Variants in HORMAD2 observed in about 807,000 individuals in gnomAD.
HORMAD2 encodes the protein HORMA domain containing 2.
HORMAD2 carries 45 observed loss-of-function variants against 38.8 expected under a neutral mutation model. The observed-to-expected ratio is 1.16, with a 90% CI of 0.91 to 1.49. The LOEUF is 1.49. Ranked by LOEUF, HORMAD2 falls within the 40% of genes most tolerant of loss-of-function variation. The pLI, the probability that HORMAD2 is intolerant of heterozygous loss-of-function variation, is 0.00. For missense variants in HORMAD2, 338 were observed against 367.0 expected (o/e 0.92, Z 0.65); for synonymous variants, 126 against 122.8 (o/e 1.03, Z -0.17).
chr22:30,087,128 T>A (rs2068584456), intron 1 of HORMAD2, among the ~76,000 whole-genome samples: 1 of 152,176 alleles, frequency 6.6e-6, no homozygotes, highest in Non-Finnish European at 1.5e-5. Context: ...CCCAAAGTCC[T>A]GGGATTACAG....
intron 10 of HORMAD2, among the ~76,000 whole-genome samples, chr22:30,169,508 G>A (rs146173078): frequency 2.4e-4 from 37 of 152,344 alleles, no homozygotes; most frequent in African/African-American, 8.4e-4. Flanking sequence ...TACCTCCTAA[G>A]TAGAGATAGT....
intron 10 of HORMAD2, among the ~76,000 whole-genome samples, chr22:30,123,990 CTT>C (rs966621461): frequency 1.4e-5 from 2 of 143,482 alleles, no homozygotes; most frequent in Non-Finnish European, 1.5e-5. Flanking sequence ...GAATTTCTTT[CTT>C]TTTTTTTTTT....
At chr22:30,187,990 C>A in the HORMAD2 span, among the ~76,000 whole-genome samples, 14 of 152,016 alleles carry the variant, frequency 9.2e-5, no homozygotes, top group Non-Finnish European at 1.9e-4. Flanking sequence ...GCACAGTGAC[C>A]TCTAATTGTA....
At chr22:30,092,075 A>C (rs1395358699) in intron 1 of HORMAD2, among the ~76,000 whole-genome samples, 1 of 150,420 alleles carries the variant, frequency 6.6e-6, no homozygotes, top group Non-Finnish European at 1.5e-5. Context: ...TTTTTAGTAA[A>C]GACAGGATTT....
chr22:30,202,428 C>T, the HORMAD2 span, among the ~76,000 whole-genome samples: 7 of 146,868 alleles, frequency 4.8e-5, no homozygotes, highest in African/African-American at 1.3e-4. Flanking sequence ...CAGCTTACAT[C>T]GGAGGAATGG....
At chr22:30,140,310 A>T (rs1303244982) in intron 10 of HORMAD2, among the ~76,000 whole-genome samples, 2 of 152,136 alleles carry the variant, frequency 1.3e-5, no homozygotes, top group Non-Finnish European at 2.9e-5. Flanking sequence ...AATGAATTGA[A>T]AAGTTTTTAC....
intron 10 of HORMAD2, among the ~76,000 whole-genome samples, chr22:30,153,710 T>C (rs892208026): frequency 1.3e-5 from 2 of 152,134 alleles, no homozygotes; most frequent in African/African-American, 4.8e-5. Context: ...ATAATTCTTA[T>C]CACTTTCCTA....
chr22:30,190,692 C>T, the HORMAD2 span, among the ~76,000 whole-genome samples: 1 of 152,320 alleles, frequency 6.6e-6, no homozygotes, highest in Middle Eastern at 3.4e-3. Flanking sequence ...CCTGAGCTCA[C>T]ATGAAATGCA....
upstream of HORMAD2, among the ~76,000 whole-genome samples, chr22:30,079,503 C>T (rs995135873): frequency 6.6e-6 from 1 of 152,022 alleles, no homozygotes; most frequent in Non-Finnish European, 1.5e-5. Flanking sequence ...TTTTTTCTTT[C>T]TTTTCTTTTT....
intron 10 of HORMAD2, among the ~76,000 whole-genome samples, chr22:30,174,095 A>G (rs546867811): frequency 4.6e-5 from 7 of 152,218 alleles, no homozygotes; most frequent in Non-Finnish European, 7.3e-5. Context: ...CTGAGGCTCT[A>G]TTGGTAAACA....
intron 10 of HORMAD2, chr22:30,137,151 A>T (rs1923723420): frequency 2.0e-6 from 1 of 490,546 alleles, no homozygotes; most frequent in Admixed American, 2.6e-5. Context: ...GTCACAGATA[A>T]GATCCATGCC....
intron 2 of HORMAD2, among the ~76,000 whole-genome samples, chr22:30,094,771 G>A (rs1406010602): frequency 6.6e-6 from 1 of 152,142 alleles, no homozygotes; most frequent in East Asian, 1.9e-4. Context: ...TTGCGTAGAG[G>A]GGAGAGAATT....
At chr22:30,100,607 C>CTTCTTTGG (rs1208375723) in intron 3 of HORMAD2, among the ~76,000 whole-genome samples, 1 of 152,148 alleles carries the variant, frequency 6.6e-6, no homozygotes, top group Non-Finnish European at 1.5e-5. Context: ...AACCAAAGAG[C>CTTCTTTGG]TTCTGCACAG....
At chr22:30,155,825 C>A (rs938031099) in intron 10 of HORMAD2, among the ~76,000 whole-genome samples, 1 of 152,184 alleles carries the variant, frequency 6.6e-6, no homozygotes, top group Non-Finnish European at 1.5e-5. Context: ...TTATCATTAG[C>A]TTATTAATTT....
intron 1 of HORMAD2, among the ~76,000 whole-genome samples, chr22:30,083,565 C>A (rs1457760655): frequency 1.3e-5 from 2 of 152,170 alleles, no homozygotes; most frequent in Admixed American, 1.3e-4. Context: ...CTCCACAAAA[C>A]ACCTGCTCAA....
intron 5 of HORMAD2, chr22:30,105,316 C>A (rs371438699): frequency 5.9e-6 from 1 of 169,610 alleles, no homozygotes; most frequent in Non-Finnish European, 1.3e-5. Context: ...TGGTCAGGCA[C>A]CTGCGATGGC....
intron 5 of HORMAD2, among the ~76,000 whole-genome samples, chr22:30,106,773 A>C (rs115546321): frequency 0.01 from 1,564 of 152,314 alleles, 25 homozygotes; most frequent in African/African-American, 0.036. Context: ...TTTGCATATA[A>C]GATGGGGATA....
At chr22:30,079,369 T>G (rs2068430763), upstream of HORMAD2, among the ~76,000 whole-genome samples, 1 of 152,182 alleles carries the variant, frequency 6.6e-6, no homozygotes, top group Admixed American at 6.5e-5. Context: ...AGAATATATT[T>G]ATGTTTTATT....
rs141318998 is a variant in HORMAD2 at position 30,132,443 on chromosome 22, C to G, written c.819+10229C>G. On this transcript the variant is annotated intron_variant, in intron 10 of 10. Transcript: ENST00000336726. ...CTAAAAATACAAGAATTAGCCAGCACGAGAATCGTTTGAACCTGGGAGGCA... is the reference window on the plus strand; with the variant it reads ...CTAAAAATACAAGAATTAGCCAGCAGGAGAATCGTTTGAACCTGGGAGGCA... 3.3e-5 allele frequency among the ~76,000 whole-genome samples: 5 copies of G among 151,292 alleles called. No individual in the cohort carries two copies. In the South Asian group the frequency reaches 1.0e-3, roughly 32 times the overall value.
Sources: gnomAD v4.1 joint callset for allele counts (sites outside exome capture counted in the v4.1 genomes callset) on GRCh38, gnomAD v4.1.1 for gene constraint, MANE v1.5 for transcripts, NCBI Gene and HGNC (gene_info 2026-07-23, HGNC 2026-07-21) for gene names.